B3GAT2: variants seen among roughly 807,000 people sequenced by gnomAD.
The protein encoded by B3GAT2 is galactosylgalactosylxylosylprotein 3-beta-glucuronosyltransferase 2.
In B3GAT2, 26 loss-of-function variants were observed where a neutral mutation model predicts 27.8. That is an observed-to-expected ratio of 0.93 (90% CI 0.68 to 1.30). The LOEUF (loss-of-function observed/expected upper bound fraction) is 1.30. Ranked by LOEUF, B3GAT2 falls within the 50% of genes most tolerant of loss-of-function variation. The pLI is 0.00. For synonymous variants in B3GAT2, 218 were observed against 195.1 expected, an observed-to-expected ratio of 1.12 and a Z score of -0.98; for missense variants, 458 against 459.0, an observed-to-expected ratio of 1.00 and a Z score of 0.02.
At position 70,859,223 on chromosome 6, in the gene B3GAT2, G is replaced by A. The variant is rs546004735; in HGVS notation, c.*2440C>T. ...CTACCCGCTGGGAATCTAAAAAATT[G>A]TATGTGCTAAGTGTCAGTCACATGG... On this transcript the variant is annotated 3_prime_UTR_variant, in exon 4 of 4. Transcript: ENST00000230053. 4.4e-6 allele frequency: 3 copies of A among 689,482 alleles called. No individual in the cohort carries two copies. In the Admixed American group the frequency reaches 9.9e-5, roughly 23 times the overall value. 42.7% of individuals were successfully genotyped at this position (689,482 alleles called of 1,614,324 possible). A position where few individuals can be genotyped will look rare whatever the true frequency, so the allele number is the denominator to read the frequency against.
At position 70,916,229 on chromosome 6, in the gene B3GAT2, G is replaced by A. The variant is rs539547108; in HGVS notation, c.592-21957C>T. The stretch of plus-strand genomic sequence containing the variant: ...CTGTTCTTGGTGGATAGGAATGCTT[G>A]TGATTTTTGTACATTGATTTTGTAT... On this transcript the variant is annotated intron_variant, in intron 1 of 3. Coordinates refer to ENST00000230053, the MANE Select transcript of B3GAT2 (RefSeq NM_080742.3). Among the ~76,000 whole-genome samples the A allele has an allele frequency of 1.3e-3, 197 of 152,156 alleles. 1 individual carries two copies. Among genetic ancestry groups the A allele is most frequent in the African/African-American group, 4.6e-3 (189 of 41,522 alleles).
chr6:70,944,513 G>A (rs1394393032), intron 1 of B3GAT2, among the ~76,000 whole-genome samples: 1 of 152,304 alleles, frequency 6.6e-6, no homozygotes, highest in East Asian at 1.9e-4. Flanking sequence ...CAGCGAGGCT[G>A]GGGGAGGGGT....
chr6:70,951,010 A>G (rs549519869), intron 1 of B3GAT2, among the ~76,000 whole-genome samples: 152 of 152,298 alleles, frequency 1.0e-3, no homozygotes, highest in African/African-American at 3.4e-3. Flanking sequence ...GCATCTATCT[A>G]TGTACTGGTA....
chr6:70,863,266 A>ATGAT (rs1406893745), intron 2 of B3GAT2, among the ~76,000 whole-genome samples: 1 of 152,220 alleles, frequency 6.6e-6, no homozygotes, highest in Non-Finnish European at 1.5e-5. Context: ...GTAATACTAA[A>ATGAT]TGATACCAGG....
intron 1 of B3GAT2, among the ~76,000 whole-genome samples, chr6:70,916,979 G>T (rs557400095): frequency 6.6e-6 from 1 of 152,264 alleles, no homozygotes; most frequent in Admixed American, 6.5e-5. Context: ...AATGGTACTA[G>T]CTCCTCTTTG....
chr6:70,908,132 C>T (rs1772630752), intron 1 of B3GAT2, among the ~76,000 whole-genome samples: 1 of 152,188 alleles, frequency 6.6e-6, no homozygotes, highest in Admixed American at 6.5e-5. Context: ...ACCACAGTAT[C>T]AGGGAGAAGT....
chr6:70,926,030 A>G (rs1772950579), intron 1 of B3GAT2, among the ~76,000 whole-genome samples: 1 of 152,218 alleles, frequency 6.6e-6, no homozygotes, highest in Non-Finnish European at 1.5e-5. Context: ...CCAGGCAAAC[A>G]GCGTCTGGAG....
At chr6:70,937,943 G>A (rs1007521077) in intron 1 of B3GAT2, among the ~76,000 whole-genome samples, 4 of 151,526 alleles carry the variant, frequency 2.6e-5, no homozygotes, top group African/African-American at 9.7e-5. Context: ...TATTCAATTA[G>A]GAAAAGAGGG....
chr6:70,946,617 C>T (rs1765487921), intron 1 of B3GAT2, among the ~76,000 whole-genome samples: 1 of 152,082 alleles, frequency 6.6e-6, no homozygotes, highest in African/African-American at 2.4e-5. Context: ...CTTGGACTCC[C>T]AAACAATAAT....
intron 1 of B3GAT2, among the ~76,000 whole-genome samples, chr6:70,932,948 C>A (rs925501119): frequency 3.3e-5 from 5 of 152,132 alleles, no homozygotes; most frequent in African/African-American, 1.2e-4. Flanking sequence ...GGTACAGGCA[C>A]ATGCCACCAC....
chr6:70,862,092 G>T, intron 2 of B3GAT2, 114 bp from the exon 3 acceptor site: 1 of 978,386 alleles, frequency 1.0e-6, no homozygotes, highest in Non-Finnish European at 1.5e-6. Flanking sequence ...CTGTGTGTCA[G>T]GTCTTGGTTT....
chr6:70,894,390 G>A (rs1772344552), intron 1 of B3GAT2, 118 bp from the exon 2 acceptor site: 2 of 1,171,688 alleles, frequency 1.7e-6, no homozygotes, highest in Non-Finnish European at 2.3e-6. Context: ...AAAAGCTGAA[G>A]GTTTCAAAAC....
At chr6:70,931,088 A>T (rs1380594985) in intron 1 of B3GAT2, among the ~76,000 whole-genome samples, 1 of 152,184 alleles carries the variant, frequency 6.6e-6, no homozygotes, top group Non-Finnish European at 1.5e-5. Flanking sequence ...TCAAGCACAG[A>T]AAACCAAACA....
intron 1 of B3GAT2, among the ~76,000 whole-genome samples, chr6:70,897,513 C>A (rs961596910): frequency 2.0e-5 from 3 of 151,510 alleles, no homozygotes; most frequent in Admixed American, 6.6e-5. Flanking sequence ...TCGAGGTGGG[C>A]GGATCACTTG....
chr6:70,917,643 T>C (rs575718831), intron 1 of B3GAT2, among the ~76,000 whole-genome samples: 20 of 152,342 alleles, frequency 1.3e-4, no homozygotes, highest in African/African-American at 4.6e-4. Flanking sequence ...TATGCCTTCA[T>C]TTCGTTATTT....
chr6:70,954,630 A>T (rs1465080217), intron 1 of B3GAT2, among the ~76,000 whole-genome samples: 1 of 152,180 alleles, frequency 6.6e-6, no homozygotes, highest in Non-Finnish European at 1.5e-5. Context: ...TTCAGTGTCC[A>T]ACTCACACAT....
chr6:70,956,191 G>C lies in B3GAT2; in HGVS notation c.239C>G (p.Pro80Arg), dbSNP rs1255840165. Residue 80 changes from proline (P) to arginine (R), a missense_variant, in exon 1 of 4, where the codon CCC (proline) becomes CGC (arginine). Coordinates refer to ENST00000230053, the MANE Select transcript of B3GAT2 (RefSeq NM_080742.3). Reference sequence around the variant, plus strand: ...GGTGGGCGTGATGGCATAGATGGTGGGCAGCTGCGGCTCCGGCTGTGGCTG... The same window carrying C: ...GGTGGGCGTGATGGCATAGATGGTGCGCAGCTGCGGCTCCGGCTGTGGCTG... Reference protein sequence around the residue: ...RPQPQPEPQLPTIYAITPTYS... With the variant: ...RPQPQPEPQLRTIYAITPTYS... 6.2e-7 allele frequency: 1 copy of C among 1,611,636 alleles called. No individual in the cohort carries two copies. Among genetic ancestry groups the C allele is most frequent in the African/African-American group, 1.3e-5 (1 of 74,888 alleles).
chr6:70,955,688 G>A, intron 1 of B3GAT2, 151 bp downstream of exon 1: 1 of 936,534 alleles, frequency 1.1e-6, no homozygotes, highest in South Asian at 1.9e-5. Context: ...GTGCCAGCAA[G>A]GAGCGGCTCC....
chr6:70,857,869 G>A lies in B3GAT2; in HGVS notation c.*3794C>T. On this transcript the variant is annotated 3_prime_UTR_variant, in exon 4 of 4. Transcript: ENST00000230053. ...AATTTTTCTGTGATTATAGAGATGA[G>A]TGCAACTACACGTGATAGCTCTGTC... 6.3e-7 allele frequency: 1 copy of A among 1,576,188 alleles called. No homozygotes were observed. The highest frequency in any genetic ancestry group is 8.6e-7 in the Non-Finnish European group (1 of 1,157,948).
Sources: allele counts gnomAD v4.1 joint callset (sites outside exome capture counted in the v4.1 genomes callset), GRCh38; gene constraint gnomAD v4.1.1; transcripts MANE v1.5; gene names NCBI Gene and HGNC (gene_info 2026-07-23, HGNC 2026-07-21).